PARD3B: variants seen among roughly 807,000 people sequenced by gnomAD.
PARD3B encodes the protein par-3 family cell polarity regulator beta, also known as partitioning defective 3 homolog B.
Under a neutral mutation model 130.2 loss-of-function variants are expected in PARD3B, and 103 were observed. The ratio of observed to expected loss-of-function variants is 0.79; its 90% CI spans 0.67 to 0.93. The LOEUF (loss-of-function observed/expected upper bound fraction) is 0.93. Ranked by LOEUF, PARD3B falls within the 40% of genes least tolerant of loss-of-function variation. The probability of loss-of-function intolerance (pLI) is 0.00; values close to 1 mark genes in which losing one functional copy is unlikely to be tolerated. For synonymous variants in PARD3B, 583 were observed against 553.2 expected, an observed-to-expected ratio of 1.05 and a Z score of -0.76; for missense variants, 1,609 against 1,499.2, an observed-to-expected ratio of 1.07 and a Z score of -1.21.
At chr2:205,444,231 C>T (rs1356329178) in intron 20 of PARD3B, among the ~76,000 whole-genome samples, 1 of 152,190 alleles carries the variant, frequency 6.6e-6, no homozygotes, top group African/African-American at 2.4e-5. Flanking sequence ...GATCTGCCCC[C>T]CTTGGCCTCC....
intron 2 of PARD3B, among the ~76,000 whole-genome samples, chr2:204,736,913 C>T (rs566000657): frequency 1.1e-3 from 169 of 152,264 alleles, no homozygotes; most frequent in Non-Finnish European, 1.4e-3. Context: ...TAACCATTCC[C>T]TTTTCCCCAC....
chr2:204,966,443 C>G (rs1382627721), intron 3 of PARD3B, among the ~76,000 whole-genome samples: 1 of 152,192 alleles, frequency 6.6e-6, no homozygotes, highest in African/African-American at 2.4e-5. Context: ...GTGGCTTCAG[C>G]AACCTTACAG....
At position 205,269,448 on chromosome 2, in the gene PARD3B, G is replaced by A. The variant is rs2040634647; in HGVS notation, c.2185+23626G>A. Among the ~76,000 whole-genome samples the A allele has an allele frequency of 6.6e-6, 1 of 151,946 alleles. No homozygotes were observed. The highest frequency in any genetic ancestry group is 2.4e-5 in the African/African-American group (1 of 41,246). ...TCAGGTAATGTCTTAGGAGTAAGGA[G>A]AGAGAAAGCAAAGTTAGTACCTTGT... On this transcript the variant is annotated intron_variant, in intron 16 of 22. Coordinates refer to ENST00000406610, the MANE Select transcript of PARD3B (RefSeq NM_001302769.2). This position sits in a 1 kb window ranked among gnomAD's most constrained non-coding sequence, Gnocchi z 4.7.
rs147408378 is a variant in PARD3B, at chr2:205,028,684, A to T, written c.395-18897A>T. On this transcript the variant is annotated intron_variant, in intron 3 of 22. Transcript: ENST00000406610. ...AGTCCCATAAGTCCTAGCCAGAGCA[A>T]TTAGGCAAGAAAAACAAAAGACATC... 9.9e-3 allele frequency among the ~76,000 whole-genome samples: 1,508 copies of T among 152,274 alleles called. 19 individuals are homozygous for T. The highest frequency in any genetic ancestry group is 0.012 in the Non-Finnish European group (840 of 68,016).
intron 22 of PARD3B, among the ~76,000 whole-genome samples, chr2:205,593,748 G>A (rs1291754378): frequency 6.6e-6 from 1 of 152,188 alleles, no homozygotes; most frequent in African/African-American, 2.4e-5. Flanking sequence ...GGGTAGAAAT[G>A]CCACAGTATG....
At chr2:204,699,258 T>G (rs184214206) in intron 2 of PARD3B, among the ~76,000 whole-genome samples, 3 of 152,194 alleles carry the variant, frequency 2.0e-5, no homozygotes, top group African/African-American at 7.2e-5. Flanking sequence ...TGGGGATATT[T>G]CTTGTTCACC....
At chr2:204,716,753 G>T (rs2038749559) in intron 2 of PARD3B, among the ~76,000 whole-genome samples, 1 of 151,376 alleles carries the variant, frequency 6.6e-6, no homozygotes, top group African/African-American at 2.4e-5. Context: ...CTCCTGAGTA[G>T]CTGGGACCAC....
At chr2:204,955,942 A>G (rs1690199615) in intron 2 of PARD3B, among the ~76,000 whole-genome samples, 1 of 152,172 alleles carries the variant, frequency 6.6e-6, no homozygotes, top group Non-Finnish European at 1.5e-5. Flanking sequence ...CTTAAACTTT[A>G]TTTCAAAAGT....
intron 1 of PARD3B, among the ~76,000 whole-genome samples, chr2:204,620,559 G>A (rs1441916279): frequency 6.6e-6 from 1 of 152,132 alleles, no homozygotes; most frequent in Non-Finnish European, 1.5e-5. Context: ...CTATGAACAG[G>A]GCCGTTATCT....
intron 3 of PARD3B, among the ~76,000 whole-genome samples, chr2:205,019,284 A>G (rs1696413085): frequency 6.6e-6 from 1 of 152,122 alleles, no homozygotes; most frequent in Non-Finnish European, 1.5e-5. Context: ...CATGTTTTCA[A>G]GGTTCATCCA....
In PARD3B at chr2:204,720,867, C is replaced by T. The variant is rs545779006; in HGVS notation, c.222+34585C>T. On this transcript the variant is annotated intron_variant, in intron 2 of 22. Coordinates refer to ENST00000406610, the MANE Select transcript of PARD3B (RefSeq NM_001302769.2). ...TTGGGGGTGGAAACCAAGCATCTTGCGCTCAGATGTTCTTTTCATCACTCT... is the reference window on the plus strand; with the variant it reads ...TTGGGGGTGGAAACCAAGCATCTTGTGCTCAGATGTTCTTTTCATCACTCT... Among the ~76,000 whole-genome samples the T allele has an allele frequency of 5.9e-5, 9 of 152,222 alleles. No individual in the cohort carries two copies. The South Asian group carries it at 1.0e-3, about 18-fold the overall frequency.
At chr2:204,993,934 A>G (rs1267560316) in intron 3 of PARD3B, among the ~76,000 whole-genome samples, 1 of 151,722 alleles carries the variant, frequency 6.6e-6, no homozygotes, top group African/African-American at 2.4e-5. Flanking sequence ...TATCCCCTTT[A>G]TCATTTTTTA....
intron 10 of PARD3B, among the ~76,000 whole-genome samples, chr2:205,131,353 C>T (rs2031981416): frequency 6.6e-6 from 1 of 152,162 alleles, no homozygotes; most frequent in South Asian, 2.1e-4. Context: ...CAGTTCATGT[C>T]TTATGATGAA....
At chr2:204,657,228 C>T (rs762128419) in intron 1 of PARD3B, among the ~76,000 whole-genome samples, 15 of 152,198 alleles carry the variant, frequency 9.9e-5, no homozygotes, top group Non-Finnish European at 2.2e-4. Flanking sequence ...CTTAACCATA[C>T]ATTAAGAATT....
At chr2:204,855,061 G>A (rs905729342) in intron 2 of PARD3B, among the ~76,000 whole-genome samples, 12 of 152,050 alleles carry the variant, frequency 7.9e-5, no homozygotes, top group Non-Finnish European at 1.3e-4. Context: ...TTTACATAGC[G>A]TGCAAGGAAG....
chr2:204,942,349 C>T lies in PARD3B; in HGVS notation c.223-22803C>T, dbSNP rs543505666. Among the ~76,000 whole-genome samples the T allele has an allele frequency of 3.3e-5, 5 of 152,126 alleles. No homozygotes were observed. In the South Asian group the frequency reaches 1.0e-3, roughly 32 times the overall value. ...TTCTCTTTCTGTTTTGATATTTCATCTGAGAACCAATATTTCAAAAATGTA... is the reference window on the plus strand; with the variant it reads ...TTCTCTTTCTGTTTTGATATTTCATTTGAGAACCAATATTTCAAAAATGTA... On this transcript the variant is annotated intron_variant, in intron 2 of 22. Coordinates refer to ENST00000406610, the MANE Select transcript of PARD3B (RefSeq NM_001302769.2).
At chr2:205,044,633 G>A (rs952945190) in intron 3 of PARD3B, among the ~76,000 whole-genome samples, 12 of 151,548 alleles carry the variant, frequency 7.9e-5, no homozygotes, top group Admixed American at 1.3e-4. Flanking sequence ...CATGTCCTTC[G>A]CCCACTTTTT....
At chr2:205,089,907 A>G (rs1292974731) in intron 4 of PARD3B, among the ~76,000 whole-genome samples, 1 of 152,196 alleles carries the variant, frequency 6.6e-6, no homozygotes, top group Non-Finnish European at 1.5e-5. Flanking sequence ...ATTCTATAGA[A>G]CTATCATTTT....
chr2:205,461,583 G>A lies in PARD3B; in HGVS notation c.3044+20911G>A, dbSNP rs1382653708. ...TATTTCCCTATCACTTATTTTCAGG[G>A]CTATGAGGTGCCTTATTAATGTGAT... is the stretch of plus-strand genomic sequence containing the variant. On this transcript the variant is annotated intron_variant, in intron 20 of 22. Transcript: ENST00000406610. This position sits in a 1 kb window ranked among gnomAD's most constrained non-coding sequence, Gnocchi z 4.3. Among the ~76,000 whole-genome samples the A allele has an allele frequency of 6.6e-6, 1 of 152,140 alleles. No individual in the cohort carries two copies. The highest frequency in any genetic ancestry group is 1.5e-5 in the Non-Finnish European group (1 of 68,028).
Sources: gnomAD v4.1 joint callset for allele counts (sites outside exome capture counted in the v4.1 genomes callset) on GRCh38, gnomAD v4.1.1 for gene constraint, Gnocchi (gnomAD v3.1) non-coding constraint, MANE v1.5 for transcripts, NCBI Gene and HGNC (gene_info 2026-07-23, HGNC 2026-07-21) for gene names.